IRAK2: variants seen among roughly 807,000 people sequenced by gnomAD.
The protein encoded by IRAK2 is interleukin-1 receptor-associated kinase-like 2.
IRAK2 carries 57 observed loss-of-function variants against 72.0 expected under a neutral mutation model. That is an observed-to-expected ratio of 0.79 (90% CI 0.64 to 0.99). The LOEUF (loss-of-function observed/expected upper bound fraction) is 0.99, where lower values mean the gene tolerates loss of function less well. IRAK2 is among the 50% of genes least tolerant of loss of function. The pLI is 0.00. For synonymous variants in IRAK2, 293 were observed against 312.7 expected (o/e 0.94, Z 0.67); for missense variants, 790 against 794.4 (o/e 0.99, Z 0.07).
chr3:10,187,408 GA>G, intron 2 of IRAK2, among the ~76,000 whole-genome samples: 1 of 152,300 alleles, frequency 6.6e-6, no homozygotes, highest in African/African-American at 2.4e-5. Context: ...GGTCAGACAG[GA>G]AGGCGGAATA....
chr3:10,231,996 G>A (rs1487591964), intron 10 of IRAK2, among the ~76,000 whole-genome samples: 2 of 152,078 alleles, frequency 1.3e-5, no homozygotes, highest in African/African-American at 2.4e-5. Context: ...GCATGGTGGC[G>A]GGTGCCTGTA....
At chr3:10,189,297 T>G (rs543852968) in intron 2 of IRAK2, among the ~76,000 whole-genome samples, 1 of 152,056 alleles carries the variant, frequency 6.6e-6, no homozygotes, top group South Asian at 2.1e-4. Flanking sequence ...GGGAGCAGCA[T>G]GTACAAAGGC....
At chr3:10,234,319 T>C (rs1226885386) in intron 10 of IRAK2, 140 bp from the exon 11 acceptor site, 2 of 669,422 alleles carry the variant, frequency 3.0e-6, no homozygotes, top group Non-Finnish European at 5.3e-6. Flanking sequence ...TACTTCTTTC[T>C]GGAATCCTTG....
chr3:10,177,191 C>T (rs1696890257), intron 1 of IRAK2, among the ~76,000 whole-genome samples: 1 of 152,122 alleles, frequency 6.6e-6, no homozygotes, highest in Non-Finnish European at 1.5e-5. Context: ...TCCTTGGTCT[C>T]CTAAAGTATT....
chr3:10,180,315 T>C (rs1696941308), intron 2 of IRAK2, among the ~76,000 whole-genome samples: 1 of 152,174 alleles, frequency 6.6e-6, no homozygotes, highest in South Asian at 2.1e-4. Context: ...ACAGGCAATG[T>C]GACAGGTCCT....
In IRAK2 at chr3:10,234,640, G is replaced by GTA; in HGVS notation, c.1455_1456dup (p.Asn486IlefsTer59). On this transcript the variant is annotated frameshift_variant, in exon 11 of 13. Coordinates refer to ENST00000256458, the MANE Select transcript of IRAK2 (RefSeq NM_001570.4). LOFTEE classifies it high-confidence loss of function. The stretch of plus-strand genomic sequence containing the variant: ...GCTGCCTGCCTGTGCCTGCGGAGGC[G>GTA]TAACACCAGCCTGCAGGAGGTGAGC... 6.2e-7 allele frequency: 1 copy of GTA among 1,612,898 alleles called. No homozygotes were observed. The highest frequency in any genetic ancestry group is 8.5e-7 in the Non-Finnish European group (1 of 1,179,720).
At chr3:10,222,921 CACAG>C in intron 9 of IRAK2, 90 bp downstream of exon 9, 1 of 1,187,466 alleles carries the variant, frequency 8.4e-7, no homozygotes, top group Non-Finnish European at 1.2e-6. Flanking sequence ...GGTAGAGGCA[CACAG>C]ACAGGTTCCA....
intron 1 of IRAK2, among the ~76,000 whole-genome samples, chr3:10,171,229 C>T (rs577142080): frequency 1.3e-5 from 2 of 152,300 alleles, no homozygotes; most frequent in African/African-American, 2.4e-5. Flanking sequence ...GGCCGTTCCC[C>T]GTCTCGTTCA....
At chr3:10,183,965 C>T (rs539125771) in intron 2 of IRAK2, among the ~76,000 whole-genome samples, 36 of 152,304 alleles carry the variant, frequency 2.4e-4, no homozygotes, top group African/African-American at 6.3e-4. Context: ...CTGTGACTGC[C>T]AGGCTGCCCC....
chr3:10,240,784 C>CAGGTGATCTGG (rs1698046283), intron 12 of IRAK2, among the ~76,000 whole-genome samples: 1 of 151,380 alleles, frequency 6.6e-6, no homozygotes, highest in Non-Finnish European at 1.5e-5. Flanking sequence ...GTCTTGAACT[C>CAGGTGATCTGG]CCAACCTCAG....
At chr3:10,194,488 C>T (rs1383518295) in intron 2 of IRAK2, among the ~76,000 whole-genome samples, 1 of 152,218 alleles carries the variant, frequency 6.6e-6, no homozygotes, top group Non-Finnish European at 1.5e-5. Flanking sequence ...AAGCTCAGTG[C>T]GAGAGTTAAA....
chr3:10,206,659 G>A (rs1372873912), intron 3 of IRAK2, among the ~76,000 whole-genome samples: 1 of 151,940 alleles, frequency 6.6e-6, no homozygotes, highest in Non-Finnish European at 1.5e-5. Context: ...AGGTTTAAGC[G>A]ATTCTTGTGC....
At chr3:10,200,264 G>T (rs1697335550) in intron 2 of IRAK2, 105 bp from the exon 3 acceptor site, 2 of 993,406 alleles carry the variant, frequency 2.0e-6, no homozygotes. Flanking sequence ...TGCATTTGTG[G>T]CAGAGCCAGA....
chr3:10,174,617 C>G (rs553324999), intron 1 of IRAK2, among the ~76,000 whole-genome samples: 1 of 151,840 alleles, frequency 6.6e-6, no homozygotes, highest in Non-Finnish European at 1.5e-5. Context: ...CTCTGCCTCC[C>G]GGGTTCAAGT....
rs34310634 is a variant in IRAK2, at chr3:10,212,079, C to CAA, written c.529-1113_529-1112dup. 8.2e-3 allele frequency among the ~76,000 whole-genome samples: 997 copies of CAA among 121,526 alleles called. 9 individuals are homozygous for CAA. The highest frequency in any genetic ancestry group is 0.049 in the South Asian group (176 of 3,592). 79.7% of individuals were successfully genotyped at this position (121,526 alleles called of 152,430 possible). ...TGGGTGACAGTACGAGACTCTGTCTCAAAAAAAAAAAAAAAATTACGTACA... is the reference window on the plus strand; with the variant it reads ...TGGGTGACAGTACGAGACTCTGTCTCAAAAAAAAAAAAAAAAAATTACGTACA... On this transcript the variant is annotated intron_variant, in intron 4 of 12. Coordinates refer to ENST00000256458, the MANE Select transcript of IRAK2 (RefSeq NM_001570.4).
At chr3:10,177,322 G>T (rs897971608) in intron 1 of IRAK2, among the ~76,000 whole-genome samples, 4 of 152,196 alleles carry the variant, frequency 2.6e-5, no homozygotes, top group Non-Finnish European at 5.9e-5. Flanking sequence ...AGGCGCTGAT[G>T]CTCAGGGTCC....
chr3:10,214,643 G>C (rs908528121), intron 6 of IRAK2, among the ~76,000 whole-genome samples: 2 of 151,538 alleles, frequency 1.3e-5, no homozygotes, highest in Non-Finnish European at 2.9e-5. Flanking sequence ...TCTGTAACCA[G>C]TGTTAAAAAA....
In IRAK2 at chr3:10,240,684, C is replaced by T. The variant is rs1036504465; in HGVS notation, c.1766-1432C>T. On this transcript the variant is annotated intron_variant, in intron 12 of 12. Transcript: ENST00000256458. ...AAGTGATTCTCCTGTCTCAGCCTCC[C>T]GAGTAGCTGGGATTACAGGCATGTG... Among the ~76,000 whole-genome samples, 193 of 149,962 alleles carry T rather than the reference C, an allele frequency of 1.3e-3. 2 individuals are homozygous for T. Among genetic ancestry groups the T allele is most frequent in the African/African-American group, 4.5e-3 (185 of 40,758 alleles).
intron 1 of IRAK2, among the ~76,000 whole-genome samples, chr3:10,168,628 G>A (rs1001000122): frequency 6.6e-6 from 1 of 152,120 alleles, no homozygotes; most frequent in African/African-American, 2.4e-5. Flanking sequence ...GTGCTTGTTG[G>A]CCATTTGCAC....
Sources: allele counts gnomAD v4.1 joint callset (sites outside exome capture counted in the v4.1 genomes callset), GRCh38; gene constraint gnomAD v4.1.1; transcripts MANE v1.5; gene names NCBI Gene and HGNC (gene_info 2026-07-23, HGNC 2026-07-21).